The following LRRC47 variants were observed in gnomAD, a reference collection of about 807,000 sequenced individuals.
LRRC47 encodes leucine-rich repeat-containing protein 47.
In LRRC47, 31 loss-of-function variants were observed where a neutral mutation model predicts 40.9. That is an observed-to-expected ratio of 0.76 (90% CI 0.57 to 1.02). The LOEUF is 1.02. Ranked by LOEUF, LRRC47 falls within the 50% of genes least tolerant of loss-of-function variation. LRRC47 has a pLI of 0.00. For synonymous variants in LRRC47, 427 were observed against 371.9 expected, an observed-to-expected ratio of 1.15 and a Z score of -1.70; for missense variants, 726 against 796.1, an observed-to-expected ratio of 0.91 and a Z score of 1.06.
chr1:3,785,925 G>A (rs1049578073), intron 2 of LRRC47, among the ~76,000 whole-genome samples: 5 of 150,452 alleles, frequency 3.3e-5, no homozygotes, highest in African/African-American at 1.2e-4. Context: ...GCTGGAATGC[G>A]GTGGTGCAAT....
chr1:3,783,110 TAAA>T (rs35550470), intron 4 of LRRC47: 41 of 150,882 alleles, frequency 2.7e-4, no homozygotes, highest in East Asian at 1.4e-3. Context: ...GACCACATCT[TAAA>T]AAAAAAAAAA....
intron 1 of LRRC47, among the ~76,000 whole-genome samples, chr1:3,794,467 C>G (rs980071383): frequency 6.6e-6 from 1 of 151,920 alleles, no homozygotes; most frequent in Non-Finnish European, 1.5e-5. Context: ...CCACCTCAGC[C>G]TCCCGAGTAG....
At position 3,779,018 on chromosome 1, in the gene LRRC47, G is replaced by A. The variant is rs953002474; in HGVS notation, c.*2070C>T. ...TGACTGCCCAGAGCAGCAGGAATCAGGTTTTGGGAGGACACAAGGCAAGGC... is the reference window on the plus strand; with the variant it reads ...TGACTGCCCAGAGCAGCAGGAATCAAGTTTTGGGAGGACACAAGGCAAGGC... On this transcript the variant is annotated 3_prime_UTR_variant, in exon 7 of 7. Transcript: ENST00000378251. 4 of 152,448 alleles carry A rather than the reference G, an allele frequency of 2.6e-5. No homozygotes were observed. The highest frequency in any genetic ancestry group is 4.8e-5 in the African/African-American group (2 of 41,474). The allele number at this position is 152,448 out of a possible 1,614,324, so 9.4% of individuals were successfully genotyped here. A position where few individuals can be genotyped will look rare whatever the true frequency, so the allele number is the denominator to read the frequency against.
At chr1:3,795,765 G>C (rs373265316) in intron 1 of LRRC47, 97 bp downstream of exon 1, 3 of 1,372,916 alleles carry the variant, frequency 2.2e-6, no homozygotes, top group East Asian at 2.8e-5. Context: ...CAGTGCCCCA[G>C]GGGGCGTCAC....
rs373989701 is a variant in LRRC47 at position 3,781,535 on chromosome 1, C to A, written c.1480G>T (p.Asp494Tyr). ...ACCAGAATGAGGGCATCCATGACAT[C>A]CTTGCAAATCTGCAGACTGGTGGCA... is the stretch of plus-strand genomic sequence containing the variant. ...TSATSLQICK[D>Y]VMDALILKMA... Residue 494 changes from aspartate (D) to tyrosine (Y), a missense_variant, in exon 6 of 7, where the codon GAT becomes TAT. By Grantham distance (160) the Asp-to-Tyr change is radical. Coordinates refer to ENST00000378251, the MANE Select transcript of LRRC47 (RefSeq NM_020710.3). 5.0e-6 allele frequency: 8 copies of A among 1,613,842 alleles called. No homozygotes were observed. The highest frequency in any genetic ancestry group is 6.8e-6 in the Non-Finnish European group (8 of 1,179,990).
intron 1 of LRRC47, among the ~76,000 whole-genome samples, chr1:3,794,985 C>T (rs975823808): frequency 7.4e-6 from 1 of 134,304 alleles, no homozygotes; most frequent in Non-Finnish European, 1.5e-5. Flanking sequence ...ACCCGGGAGG[C>T]GGAGGTTGAA....
chr1:3,795,577 A>C (rs1643665656), intron 1 of LRRC47, among the ~76,000 whole-genome samples: 1 of 152,234 alleles, frequency 6.6e-6, no homozygotes, highest in Non-Finnish European at 1.5e-5. Context: ...GTTTGCTAAC[A>C]ATTACAAAAT....
Position 3,781,146 on chromosome 1 carries a change from A to G in LRRC47, c.1694T>C (p.Val565Ala). ...GGCCAGGTCGGCCTTGGACGGGTAC[A>G]CCACCTTCAGGCTCCCTTCCAGATC... Reference protein sequence around the residue: ...VVDLEGSLKVVYPSKADLATA... With the variant: ...VVDLEGSLKVAYPSKADLATA... The change falls in exon 7 of 7, where the codon GTG becomes GCG. Residue 565 changes from valine to alanine, a missense_variant. Coordinates refer to ENST00000378251, the MANE Select transcript of LRRC47 (RefSeq NM_020710.3). The G allele has an allele frequency of 6.2e-7, 1 of 1,614,110 alleles. No individual in the cohort carries two copies. Among genetic ancestry groups the G allele is most frequent in the Admixed American group, 1.7e-5 (1 of 60,014 alleles).
At chr1:3,784,683 G>A (rs1643555285) in intron 3 of LRRC47, among the ~76,000 whole-genome samples, 1 of 152,242 alleles carries the variant, frequency 6.6e-6, no homozygotes, top group South Asian at 2.1e-4. Flanking sequence ...TGCAAGAACA[G>A]CATCGGATCC....
At chr1:3,787,719 G>A (rs1206488647) in intron 1 of LRRC47, among the ~76,000 whole-genome samples, 1 of 152,172 alleles carries the variant, frequency 6.6e-6, no homozygotes, top group Non-Finnish European at 1.5e-5. Context: ...CTGCTCAGGT[G>A]AGAAGCAGGT....
Position 3,785,080 on chromosome 1 carries a change from G to T in LRRC47, c.1194+7C>A. 6.3e-7 allele frequency: 1 copy of T among 1,586,528 alleles called. No individual in the cohort carries two copies. Among genetic ancestry groups the T allele is most frequent in the Non-Finnish European group, 8.6e-7 (1 of 1,164,752 alleles). On this transcript the variant is annotated splice_region_variant and intron_variant, in intron 3 of 6. Coordinates refer to ENST00000378251, the MANE Select transcript of LRRC47 (RefSeq NM_020710.3). ...TTCAGCAGACCCTGCAAAGGAGGCT[G>T]CAGCACCTTGAGGTCCTGTGGGGGC...
rs1199617854 is a variant in LRRC47, at chr1:3,796,496, G to A, written c.-20C>T. The stretch of plus-strand genomic sequence containing the variant: ...CGCCATGGCGCCTCAGCTGCTGGCA[G>A]GCACCCACCCACCAGGGTGCTTCCG... On this transcript the variant is annotated 5_prime_UTR_variant, in exon 1 of 7. Coordinates refer to ENST00000378251, the MANE Select transcript of LRRC47 (RefSeq NM_020710.3). 2.7e-6 allele frequency: 4 copies of A among 1,494,556 alleles called. No individual in the cohort carries two copies. The highest frequency in any genetic ancestry group is 1.5e-5 in the African/African-American group (1 of 68,506). The allele number at this position is 1,494,556 out of a possible 1,614,324, so 92.6% of individuals were successfully genotyped here. A position where few individuals can be genotyped will look rare whatever the true frequency, so the allele number is the denominator to read the frequency against.
Position 3,784,126 on chromosome 1 carries a change from C to A in LRRC47, c.1195-15G>T, listed in dbSNP as rs1015882724. 6.3e-7 allele frequency: 1 copy of A among 1,592,080 alleles called. No individual in the cohort carries two copies. On this transcript the variant is annotated splice_polypyrimidine_tract_variant and intron_variant, in intron 3 of 6. Coordinates refer to ENST00000378251, the MANE Select transcript of LRRC47 (RefSeq NM_020710.3). ...AAGGGGACAATCTATCGGGCAGAAA[C>A]CCACAAACTCCACTAGGGTCACAGC... is the stretch of plus-strand genomic sequence containing the variant.
chr1:3,787,741 G>A (rs1643589663), intron 1 of LRRC47, among the ~76,000 whole-genome samples: 1 of 152,112 alleles, frequency 6.6e-6, no homozygotes, highest in Admixed American at 6.5e-5. Context: ...CCCCAAAGTG[G>A]TGTTATTTTT....
chr1:3,786,772 T>G, intron 2 of LRRC47, 77 bp downstream of exon 2: 1 of 1,361,858 alleles, frequency 7.3e-7, no homozygotes, highest in African/African-American at 1.5e-5. Context: ...TCGGACACGC[T>G]GGCCTCAGGA....
Position 3,778,842 on chromosome 1 carries a change from G to A in LRRC47, c.*2246C>T, listed in dbSNP as rs1272394931. ...GGCCGGGCCATGCAGAGAAAGGGCA[G>A]CCTCTGCCATGGCAGCCCCAAATCA... On this transcript the variant is annotated 3_prime_UTR_variant, in exon 7 of 7. Coordinates refer to ENST00000378251, the MANE Select transcript of LRRC47 (RefSeq NM_020710.3). 1 of 152,228 alleles carries A rather than the reference G, an allele frequency of 6.6e-6. No homozygotes were observed. Among genetic ancestry groups the A allele is most frequent in the African/African-American group, 2.4e-5 (1 of 41,442 alleles). 9.4% of individuals were successfully genotyped at this position (152,228 alleles called of 1,614,324 possible). A position where few individuals can be genotyped will look rare whatever the true frequency, so the allele number is the denominator to read the frequency against.
intron 5 of LRRC47, 120 bp from the exon 6 acceptor site, chr1:3,781,721 T>C: frequency 5.1e-6 from 4 of 789,310 alleles, no homozygotes; most frequent in Non-Finnish European, 8.4e-6. Context: ...GGCTCACACC[T>C]GTAAATCCAG....
chr1:3,784,089 T>A lies in LRRC47; in HGVS notation c.1217A>T (p.Glu406Val), dbSNP rs905664720. 2.5e-5 allele frequency: 40 copies of A among 1,612,308 alleles called. No individual in the cohort carries two copies. The highest frequency in any genetic ancestry group is 2.5e-5 in the Non-Finnish European group (30 of 1,179,354). Residue 406 changes from glutamate to valine, a missense_variant, in exon 4 of 7, where the codon GAA (glutamate) becomes GTA (valine). Physicochemically the swap from Glu to Val is moderately radical, Grantham distance 121 (BLOSUM62 -2). Coordinates refer to ENST00000378251, the MANE Select transcript of LRRC47 (RefSeq NM_020710.3). Reference sequence around the variant, plus strand: ...CCGCACCAGCTCCTTGGCCTTGGCTTCTTTCCGCCCCAAGGGGACAATCTA... The same window carrying A: ...CCGCACCAGCTCCTTGGCCTTGGCTACTTTCCGCCCCAAGGGGACAATCTA... ...DLKIVPLGRKEAKAKELVRQL... is the reference protein window; with the variant it reads ...DLKIVPLGRKVAKAKELVRQL...
chr1:3,782,349 GCTGAGA>G (rs1467747950), intron 5 of LRRC47, among the ~76,000 whole-genome samples: 1 of 152,050 alleles, frequency 6.6e-6, no homozygotes, highest in African/African-American at 2.4e-5. Context: ...CTCCTGAGTA[GCTGAGA>G]CTACAGGTAT....
Sources: gnomAD v4.1 joint callset for allele counts (sites outside exome capture counted in the v4.1 genomes callset) on GRCh38, gnomAD v4.1.1 for gene constraint, MANE v1.5 for transcripts, NCBI Gene and HGNC (gene_info 2026-07-23, HGNC 2026-07-21) for gene names.